Variants in RAB3GAP1 observed in about 807,000 individuals in gnomAD.
The protein encoded by RAB3GAP1 is RAB3 GTPase activating protein catalytic subunit 1.
RAB3GAP1 carries 86 observed loss-of-function variants against 130.7 expected under a neutral mutation model. The ratio of observed to expected loss-of-function variants is 0.66; its 90% CI spans 0.55 to 0.79. The LOEUF is 0.79. Among genes scored for constraint, RAB3GAP1 ranks in the 30% least tolerant of loss-of-function variants. The pLI is 0.00. For synonymous variants in RAB3GAP1, 367 were observed against 401.7 expected, an observed-to-expected ratio of 0.91 and a Z score of 1.03; for missense variants, 1,029 against 1,169.4, an observed-to-expected ratio of 0.88 and a Z score of 1.75.
At chr2:135,152,410 T>C (rs559652007) in intron 18 of RAB3GAP1, among the ~76,000 whole-genome samples, 153 of 152,384 alleles carry the variant, frequency 1.0e-3, no homozygotes, top group African/African-American at 3.1e-3. Flanking sequence ...ATGAAATGCC[T>C]TTCTTCAATA....
At chr2:135,086,141 G>A (rs567475138) in intron 3 of RAB3GAP1, among the ~76,000 whole-genome samples, 1 of 152,080 alleles carries the variant, frequency 6.6e-6, no homozygotes, top group African/African-American at 2.4e-5. Context: ...CTATTGGTGG[G>A]CATTTAAATT....
chr2:135,119,110 T>C (rs1691117515), intron 7 of RAB3GAP1, among the ~76,000 whole-genome samples: 1 of 138,876 alleles, frequency 7.2e-6, no homozygotes, highest in South Asian at 2.8e-4. Context: ...CTTCCTTCCT[T>C]CTGTCCTTAT....
At chr2:135,126,908 G>A (rs1691365531) in intron 11 of RAB3GAP1, among the ~76,000 whole-genome samples, 1 of 151,630 alleles carries the variant, frequency 6.6e-6, no homozygotes. Context: ...TTTTTGAGAC[G>A]GAGTCTCTGT....
chr2:135,107,149 T>C (rs1690652088), intron 5 of RAB3GAP1, among the ~76,000 whole-genome samples: 1 of 150,248 alleles, frequency 6.7e-6, no homozygotes, highest in African/African-American at 2.4e-5. Context: ...CCAGTGAAAC[T>C]ATATTTCAAA....
intron 3 of RAB3GAP1, among the ~76,000 whole-genome samples, chr2:135,088,974 A>C (rs996942883): frequency 6.6e-6 from 1 of 152,128 alleles, no homozygotes. Context: ...TTAATCAAGA[A>C]GTCTTTGCTA....
At chr2:135,084,656 G>A (rs2104865206) in intron 3 of RAB3GAP1, among the ~76,000 whole-genome samples, 1 of 152,020 alleles carries the variant, frequency 6.6e-6, no homozygotes, top group South Asian at 2.1e-4. Context: ...TAACATACTG[G>A]TTAGGAAATA....
intron 8 of RAB3GAP1, among the ~76,000 whole-genome samples, chr2:135,122,092 CA>C (rs373058587): frequency 1.2e-4 from 16 of 138,594 alleles, no homozygotes; most frequent in East Asian, 2.1e-4. Flanking sequence ...GACCCTGTCT[CA>C]AAAAAAAAAG....
chr2:135,089,172 G>A (rs960430126), intron 3 of RAB3GAP1, among the ~76,000 whole-genome samples: 4 of 151,584 alleles, frequency 2.6e-5, no homozygotes, highest in Non-Finnish European at 4.4e-5. Context: ...GCTTGTTTTT[G>A]TCAGGTTTGT....
chr2:135,148,071 G>T (rs1479991928), intron 17 of RAB3GAP1, among the ~76,000 whole-genome samples: 1 of 152,116 alleles, frequency 6.6e-6, no homozygotes, highest in Non-Finnish European at 1.5e-5. Flanking sequence ...CTTTCAGTGT[G>T]CATCTTATGT....
chr2:135,157,130 C>T (rs1692333699), intron 19 of RAB3GAP1, among the ~76,000 whole-genome samples: 1 of 152,142 alleles, frequency 6.6e-6, no homozygotes, highest in Non-Finnish European at 1.5e-5. Context: ...TCTCCTGGCC[C>T]AGTTTCCCTA....
intron 7 of RAB3GAP1, among the ~76,000 whole-genome samples, chr2:135,119,649 A>G (rs181461732): frequency 4.7e-4 from 72 of 152,332 alleles, no homozygotes; most frequent in Admixed American, 2.0e-3. Context: ...GCTGTCTACT[A>G]TTGTGACTTC....
At chr2:135,172,479 T>C (rs966619427), downstream of RAB3GAP1, among the ~76,000 whole-genome samples, 16 of 151,290 alleles carry the variant, frequency 1.1e-4, no homozygotes, top group Non-Finnish European at 2.1e-4. Flanking sequence ...GAAAATACAC[T>C]GCAGAGGCTG....
chr2:135,112,870 A>T (rs922925597), intron 5 of RAB3GAP1, among the ~76,000 whole-genome samples: 5 of 151,532 alleles, frequency 3.3e-5, no homozygotes, highest in Non-Finnish European at 7.4e-5. Context: ...ACACACACAG[A>T]TGGGCACGCA....
intron 19 of RAB3GAP1, among the ~76,000 whole-genome samples, chr2:135,157,627 T>A: frequency 6.6e-6 from 1 of 151,568 alleles, no homozygotes; most frequent in East Asian, 1.9e-4. Context: ...AGGTCAGGAG[T>A]TCGAGACCAG....
chr2:135,095,798 C>T (rs965211010), intron 5 of RAB3GAP1, among the ~76,000 whole-genome samples: 3 of 152,146 alleles, frequency 2.0e-5, no homozygotes, highest in African/African-American at 4.8e-5. Context: ...AGTGTATCTA[C>T]AATGTATACA....
At chr2:135,136,965 G>A in intron 17 of RAB3GAP1, 1 of 226,470 alleles carries the variant, frequency 4.4e-6, no homozygotes, top group Non-Finnish European at 8.9e-6. Context: ...GCATGTGTCT[G>A]TAGTTGCAGC....
chr2:135,151,873 A>G (rs928415460), intron 18 of RAB3GAP1, among the ~76,000 whole-genome samples: 5 of 152,216 alleles, frequency 3.3e-5, no homozygotes, highest in African/African-American at 1.2e-4. Flanking sequence ...ACGGGAGGAC[A>G]TTCCAAATAG....
intron 13 of RAB3GAP1, among the ~76,000 whole-genome samples, chr2:135,131,505 C>T (rs575657501): frequency 6.6e-6 from 1 of 152,160 alleles, no homozygotes; most frequent in Non-Finnish European, 1.5e-5. Context: ...GCTGGGATTA[C>T]AGGCGTGAGC....
intron 2 of RAB3GAP1, among the ~76,000 whole-genome samples, chr2:135,056,377 T>C (rs771566968): frequency 3.9e-5 from 6 of 151,930 alleles, no homozygotes; most frequent in Non-Finnish European, 8.8e-5. Context: ...TAATTTTTGT[T>C]GTATTTTCAG....
Sources: gnomAD v4.1 joint callset for allele counts (sites outside exome capture counted in the v4.1 genomes callset) on GRCh38, gnomAD v4.1.1 for gene constraint, MANE v1.5 for transcripts, NCBI Gene and HGNC (gene_info 2026-07-23, HGNC 2026-07-21) for gene names.